Variants in AGAP1 observed in about 807,000 individuals in gnomAD.
AGAP1 encodes the protein ArfGAP with GTPase domain, ankyrin repeat and PH domain 1, also known as arf-GAP with GTPase, ANK repeat and PH domain-containing protein 1.
A neutral mutation model predicts 105.3 loss-of-function variants in AGAP1; 29 were observed. That is an observed-to-expected ratio of 0.28 (90% CI 0.21 to 0.38). AGAP1 has a LOEUF of 0.38. AGAP1 is among the 10% of genes least tolerant of loss of function. The probability of loss-of-function intolerance (pLI) is 1.00; values close to 1 mark genes in which losing one functional copy is unlikely to be tolerated. For synonymous variants in AGAP1, 509 were observed against 485.9 expected, an observed-to-expected ratio of 1.05 and a Z score of -0.63; for missense variants, 998 against 1,165.1, an observed-to-expected ratio of 0.86 and a Z score of 2.09.
At chr2:235,975,921 C>G (rs1300678067) in intron 13 of AGAP1, among the ~76,000 whole-genome samples, 1 of 152,192 alleles carries the variant, frequency 6.6e-6, no homozygotes. Flanking sequence ...AATTAAACTT[C>G]CTTATTAGCA....
At position 235,901,354 on chromosome 2, in the gene AGAP1, C is replaced by T. The variant is rs536497541; in HGVS notation, c.1156-7384C>T. On this transcript the variant is annotated intron_variant, in intron 10 of 17. Coordinates refer to ENST00000304032, the MANE Select transcript of AGAP1 (RefSeq NM_001037131.3). This position sits in a 1 kb window ranked among gnomAD's most constrained non-coding sequence, Gnocchi z 4.3. Reference sequence around the variant, plus strand: ...CACAAATTACTGCTTCCTTTTGATACTGGATATTCATGAAGTGCAGTGAAA... The same window carrying T: ...CACAAATTACTGCTTCCTTTTGATATTGGATATTCATGAAGTGCAGTGAAA... Among the ~76,000 whole-genome samples, 3 of 151,978 alleles carry T rather than the reference C, an allele frequency of 2.0e-5. No individual in the cohort carries two copies. Among genetic ancestry groups the T allele is most frequent in the African/African-American group, 7.2e-5 (3 of 41,432 alleles).
Position 235,852,770 on chromosome 2 carries a change from C to CAAGG in AGAP1, c.1051-30575_1051-30574insAAGG, listed in dbSNP as rs1553650283. 3 of 1,537,800 alleles carry CAAGG rather than the reference C, an allele frequency of 2.0e-6. No individual in the cohort carries two copies. The South Asian group carries it at 3.7e-5, about 19-fold the overall frequency. Reference sequence around the variant, plus strand: ...CCGTGCCCGTCAGTCCTCCCCCTGGCCAGGGCCGAGGGGTGGTCAGACCAG... The same window carrying CAAGG: ...CCGTGCCCGTCAGTCCTCCCCCTGGCAAGGCAGGGCCGAGGGGTGGTCAGACCAG... On this transcript the variant is annotated intron_variant, in intron 9 of 17. Coordinates refer to ENST00000304032, the MANE Select transcript of AGAP1 (RefSeq NM_001037131.3).
Position 235,683,855 on chromosome 2 carries a change from G to A in AGAP1, c.164-25324G>A, listed in dbSNP as rs528858154. Among the ~76,000 whole-genome samples the A allele has an allele frequency of 4.2e-3, 395 of 93,394 alleles. 2 individuals are homozygous for A. Among genetic ancestry groups the A allele is most frequent in the African/African-American group, 0.019 (372 of 19,362 alleles). The allele number at this position is 93,394 out of a possible 152,430, so 61.3% of individuals were successfully genotyped here. Reference sequence around the variant, plus strand: ...TAATGCCATCCCTCCCAAGCCCCCCGTCCCCCGCCCGGCCCCAGTGTGTGA... The same window carrying A: ...TAATGCCATCCCTCCCAAGCCCCCCATCCCCCGCCCGGCCCCAGTGTGTGA... On this transcript the variant is annotated intron_variant, in intron 1 of 17. Coordinates refer to ENST00000304032, the MANE Select transcript of AGAP1 (RefSeq NM_001037131.3).
chr2:235,835,837 G>A lies in AGAP1; in HGVS notation c.1050+28506G>A, dbSNP rs561893577. Among the ~76,000 whole-genome samples the A allele has an allele frequency of 9.4e-4, 143 of 152,296 alleles. 3 individuals are homozygous for A. The South Asian group carries it at 0.028, about 29-fold the overall frequency. On this transcript the variant is annotated intron_variant, in intron 9 of 17. Coordinates refer to ENST00000304032, the MANE Select transcript of AGAP1 (RefSeq NM_001037131.3). ...ATACTGCTTCTTAGACAAAGAAGGC[G>A]GCTAACAAGAGCCAACCACTGACTG...
At chr2:235,709,509 C>G (rs1217399690) in intron 2 of AGAP1, among the ~76,000 whole-genome samples, 1 of 137,316 alleles carries the variant, frequency 7.3e-6, no homozygotes, top group East Asian at 2.5e-4. Flanking sequence ...TCCTCTCTCT[C>G]ACATCTCGTG....
rs1559298878 is a variant in AGAP1 at position 236,123,904 on chromosome 2, C to T, written c.2371-15C>T. The stretch of plus-strand genomic sequence containing the variant: ...ATCCCCCATGATACTAATGTGGGCT[C>T]CCTTACCTCCGCAGTACGGAGTGGA... On this transcript the variant is annotated splice_polypyrimidine_tract_variant and intron_variant, in intron 17 of 17. Coordinates refer to ENST00000304032, the MANE Select transcript of AGAP1 (RefSeq NM_001037131.3). This position sits in a 1 kb window ranked among gnomAD's most constrained non-coding sequence, Gnocchi z 4.6. 6.2e-7 allele frequency: 1 copy of T among 1,612,152 alleles called. No individual in the cohort carries two copies. Among genetic ancestry groups the T allele is most frequent in the Non-Finnish European group, 8.5e-7 (1 of 1,179,822 alleles).
At chr2:236,023,767 C>T (rs965305056) in intron 13 of AGAP1, among the ~76,000 whole-genome samples, 2 of 152,176 alleles carry the variant, frequency 1.3e-5, no homozygotes, top group Non-Finnish European at 2.9e-5. Flanking sequence ...TCATTTTCAT[C>T]ACAGGTTGCT....
At chr2:235,763,073 C>T (rs748253021) in intron 6 of AGAP1, among the ~76,000 whole-genome samples, 33,804 of 148,596 alleles carry the variant, frequency 0.23, 4,618 homozygotes, top group Admixed American at 0.38. Context: ...CGCGCGCACA[C>T]GTGCACCTGC....
intron 1 of AGAP1, among the ~76,000 whole-genome samples, chr2:235,530,394 C>T (rs778807390): frequency 6.6e-6 from 1 of 152,220 alleles, no homozygotes; most frequent in Non-Finnish European, 1.5e-5. Context: ...TTTCCCATTG[C>T]AGCTGTACAA....
intron 1 of AGAP1, among the ~76,000 whole-genome samples, chr2:235,682,461 G>A (rs929722799): frequency 6.6e-6 from 1 of 152,046 alleles, no homozygotes; most frequent in Non-Finnish European, 1.5e-5. Context: ...TCCTGCCTCA[G>A]CCTCTCGAGT....
At chr2:236,018,487 C>G (rs189302540) in intron 13 of AGAP1, among the ~76,000 whole-genome samples, 1 of 152,316 alleles carries the variant, frequency 6.6e-6, no homozygotes, top group Admixed American at 6.5e-5. Context: ...CTCACCTGCC[C>G]CATGCAGCTA....
rs145667544 is a variant in AGAP1 at position 235,819,065 on chromosome 2, T to C, written c.1050+11734T>C. Among the ~76,000 whole-genome samples, 728 of 152,166 alleles carry C rather than the reference T, an allele frequency of 4.8e-3. 8 individuals carry two copies. Among genetic ancestry groups the C allele is most frequent in the East Asian group, 0.018 (91 of 5,168 alleles). On this transcript the variant is annotated intron_variant, in intron 9 of 17. Coordinates refer to ENST00000304032, the MANE Select transcript of AGAP1 (RefSeq NM_001037131.3). Reference sequence around the variant, plus strand: ...AGTCCCTGTGGGCCCAGAGGTTGCCTGAGTAGGTCAGAATCGAGTATCGGG... The same window carrying C: ...AGTCCCTGTGGGCCCAGAGGTTGCCCGAGTAGGTCAGAATCGAGTATCGGG...
chr2:235,544,510 G>T (rs770414165), intron 1 of AGAP1, among the ~76,000 whole-genome samples: 54 of 152,170 alleles, frequency 3.5e-4, no homozygotes, highest in Non-Finnish European at 6.8e-4. Context: ...GGCTTCCATC[G>T]CTGGAAATCC....
rs1231819202 is a variant in AGAP1, at chr2:236,020,212, G to C, written c.1646-16349G>C. On this transcript the variant is annotated intron_variant, in intron 13 of 17. Transcript: ENST00000304032. This position sits in a 1 kb window ranked among gnomAD's most constrained non-coding sequence, Gnocchi z 5.0. ...GAGTCAGCAAGCTAACATACCTAGA[G>C]ATGTGGAACATGGCCCCTGCATTGC... Among the ~76,000 whole-genome samples the C allele has an allele frequency of 1.3e-5, 2 of 152,194 alleles. No homozygotes were observed. The highest frequency in any genetic ancestry group is 2.9e-5 in the Non-Finnish European group (2 of 68,046).
At chr2:235,984,915 G>A (rs942784891) in intron 13 of AGAP1, among the ~76,000 whole-genome samples, 3 of 152,262 alleles carry the variant, frequency 2.0e-5, no homozygotes, top group Non-Finnish European at 4.4e-5. Context: ...ATAAACATAT[G>A]TGTGAATGTG....
At chr2:235,808,222 G>C (rs1957943469) in intron 9 of AGAP1, among the ~76,000 whole-genome samples, 1 of 152,202 alleles carries the variant, frequency 6.6e-6, no homozygotes, top group Non-Finnish European at 1.5e-5. Context: ...GTGGGCAGGA[G>C]AATGGCTCCG....
rs561327596 is a variant in AGAP1, at chr2:235,759,393, T to A, written c.673+8905T>A. Among the ~76,000 whole-genome samples, 5 of 149,456 alleles carry A rather than the reference T, an allele frequency of 3.3e-5. No individual in the cohort carries two copies. The South Asian group carries it at 6.4e-4, about 19-fold the overall frequency. ...ACCGTGTTAGCCAGGATGGTCTTGA[T>A]CTCCTGACCTCGTGATCCGCCCGCC... On this transcript the variant is annotated intron_variant, in intron 6 of 17. Transcript: ENST00000304032.
chr2:235,737,560 A>G lies in AGAP1; in HGVS notation c.311-3403A>G, dbSNP rs190826349. Among the ~76,000 whole-genome samples the G allele has an allele frequency of 2.9e-3, 447 of 152,310 alleles. No homozygotes were observed. Among genetic ancestry groups the G allele is most frequent in the African/African-American group, 0.01 (416 of 41,566 alleles). ...AACCTTTCGTAACTTGAATATTGTG[A>G]TTCAGCCACCTGGAAGCTTCACTTG... On this transcript the variant is annotated intron_variant, in intron 3 of 17. Coordinates refer to ENST00000304032, the MANE Select transcript of AGAP1 (RefSeq NM_001037131.3). The surrounding 1 kb of genome is among the most constrained non-coding windows in gnomAD (Gnocchi z 4.5).
At position 236,105,552 on chromosome 2, in the gene AGAP1, T is replaced by A. The variant is rs1576317429; in HGVS notation, c.2115-14640T>A. 5.2e-5 allele frequency among the ~76,000 whole-genome samples: 2 copies of A among 38,182 alleles called. No homozygotes were observed. 25.0% of individuals were successfully genotyped at this position (38,182 alleles called of 152,430 possible). On this transcript the variant is annotated intron_variant, in intron 16 of 17. Transcript: ENST00000304032. The surrounding 1 kb of genome is among the most constrained non-coding windows in gnomAD (Gnocchi z 4.2). ...GAGGAGAGGGGCATCTCTCGTGTCTTTTTTTTTTTTTTTTTTTTTTTGAGA... is the reference window on the plus strand; with the variant it reads ...GAGGAGAGGGGCATCTCTCGTGTCTATTTTTTTTTTTTTTTTTTTTTGAGA...
Sources: allele counts gnomAD v4.1 joint callset (sites outside exome capture counted in the v4.1 genomes callset), GRCh38; gene constraint gnomAD v4.1.1; non-coding constraint Gnocchi (gnomAD v3.1); transcripts MANE v1.5; gene names NCBI Gene and HGNC (gene_info 2026-07-23, HGNC 2026-07-21).